MAP3K11: variants seen among roughly 807,000 people sequenced by gnomAD.
The protein encoded by MAP3K11 is mitogen-activated protein kinase kinase kinase 11, also known as SH3 domain-containing proline-rich kinase.
MAP3K11 carries 46 observed loss-of-function variants against 84.9 expected under a neutral mutation model. The observed-to-expected ratio is 0.54, with a 90% confidence interval of 0.43 to 0.69. MAP3K11 has a LOEUF of 0.69. Among genes scored for constraint, MAP3K11 ranks in the 30% least tolerant of loss-of-function variants. The pLI, the probability that MAP3K11 is intolerant of heterozygous loss-of-function variation, is 0.00. For synonymous variants in MAP3K11, 527 were observed against 514.7 expected (o/e 1.02, Z -0.32); for missense variants, 1,053 against 1,198.3 (o/e 0.88, Z 1.79).
At position 65,598,315 on chromosome 11, in the gene MAP3K11, C is replaced by A. The variant is rs370002899; in HGVS notation, c.2520G>T (p.Pro840=). 20 of 1,477,434 alleles carry A rather than the reference C, an allele frequency of 1.4e-5. No individual in the cohort carries two copies. The Admixed American group carries it at 4.0e-4, about 29-fold the overall frequency. 91.5% of individuals were successfully genotyped at this position (1,477,434 alleles called of 1,614,324 possible). Reference sequence around the variant, plus strand: ...CTCAAGGCCCCGCTTCCGGCACCCACGGGGCCTGGGCACCCATGTCTTTGG... The same window carrying A: ...CTCAAGGCCCCGCTTCCGGCACCCAAGGGGCCTGGGCACCCATGTCTTTGG... ...AQTKDMGAQA[P]WVPEAGP Residue 840 remains proline (P), a synonymous_variant, in exon 10 of 10, where the codon CCG becomes CCT. Transcript: ENST00000309100.
chr11:65,608,238 C>T (rs980851316), intron 2 of MAP3K11, 30 bp downstream of exon 2: 74 of 1,606,236 alleles, frequency 4.6e-5, no homozygotes, highest in Non-Finnish European at 6.0e-5. Flanking sequence ...AGCCCCGTAG[C>T]AGCCCGTCCA....
chr11:65,597,993 G>T lies in MAP3K11; in HGVS notation c.*298C>A, dbSNP rs1286275639. The T allele has an allele frequency of 1.2e-5, 4 of 327,438 alleles. No individual in the cohort carries two copies. The highest frequency in any genetic ancestry group is 2.2e-5 in the Non-Finnish European group (4 of 180,026). The allele number at this position is 327,438 out of a possible 1,614,324, so 20.3% of individuals were successfully genotyped here. A position where few individuals can be genotyped will look rare whatever the true frequency, so the allele number is the denominator to read the frequency against. ...CTTCCCTGCACCTCCCCTCCTCCCT[G>T]CATCACCCCAGCAGGCAATTCCCTG... On this transcript the variant is annotated 3_prime_UTR_variant, in exon 10 of 10. Coordinates refer to ENST00000309100, the MANE Select transcript of MAP3K11 (RefSeq NM_002419.4).
At chr11:65,604,884 A>T (rs1195896443) in intron 8 of MAP3K11, among the ~76,000 whole-genome samples, 1 of 152,036 alleles carries the variant, frequency 6.6e-6, no homozygotes, top group Admixed American at 6.5e-5. Context: ...GGGAGGCCAT[A>T]ACTCTCTGGC....
At chr11:65,607,608 C>A in intron 4 of MAP3K11, 33 bp downstream of exon 4, 4 of 1,578,050 alleles carry the variant, frequency 2.5e-6, no homozygotes, top group Non-Finnish European at 3.5e-6. Context: ...GGGAGACACT[C>A]GTTCCAACGC....
chr11:65,598,590 C>A lies in MAP3K11; in HGVS notation c.2245G>T (p.Ala749Ser), dbSNP rs148864387. The change falls in exon 10 of 10, where the codon GCT becomes TCT. Residue 749 changes from alanine (A) to serine (S), a missense_variant. This residue lies in a region of MAP3K11 where 583 missense variants were observed against 566.6 expected (regional missense o/e 1.03). Transcript: ENST00000309100. ...CGTGGGGTGCCTGGGGTGCCAGGAGCAGAGCGTGATGTCCCCGGTGGGGGT... is the reference window on the plus strand; with the variant it reads ...CGTGGGGTGCCTGGGGTGCCAGGAGAAGAGCGTGATGTCCCCGGTGGGGGT... ...VSPPPGTSRS[A>S]PGTPGTPRSP... 2.5e-5 allele frequency: 39 copies of A among 1,581,638 alleles called. No individual in the cohort carries two copies. The African/African-American group carries it at 5.0e-4, about 20-fold the overall frequency.
chr11:65,606,601 T>C lies in MAP3K11; in HGVS notation c.1603+90A>G, dbSNP rs557077431. On this transcript the variant is annotated intron_variant, in intron 6 of 9. Transcript: ENST00000309100. The stretch of plus-strand genomic sequence containing the variant: ...CCTGGGGGCGGGGAGGAAGAGGGGA[T>C]AGTGAGTGGGCTCCGCCTCCAAGAA... 3.3e-5 allele frequency: 31 copies of C among 940,642 alleles called. No homozygotes were observed. In the Middle Eastern group the frequency reaches 1.5e-3, roughly 47 times the overall value. 58.3% of individuals were successfully genotyped at this position (940,642 alleles called of 1,614,324 possible).
chr11:65,608,130 G>A, intron 2 of MAP3K11, 60 bp from the exon 3 acceptor site: 1 of 1,600,096 alleles, frequency 6.2e-7, no homozygotes, highest in Non-Finnish European at 8.6e-7. Context: ...CCCCCTTACT[G>A]CCACTTCACC....
intron 5 of MAP3K11, 98 bp downstream of exon 5, chr11:65,607,172 A>G: frequency 5.9e-6 from 8 of 1,366,768 alleles, no homozygotes; most frequent in Non-Finnish European, 7.5e-6. Context: ...CCCACCCACA[A>G]CACCCTAAAC....
intron 8 of MAP3K11, among the ~76,000 whole-genome samples, chr11:65,601,520 G>A (rs1854454928): frequency 6.6e-6 from 1 of 152,150 alleles, no homozygotes; most frequent in South Asian, 2.1e-4. Flanking sequence ...ACTTTGGGAG[G>A]CCCAGGTGGG....
Position 65,613,167 on chromosome 11 carries a change from G to T in MAP3K11, c.590C>A (p.Ala197Asp). 1.3e-6 allele frequency: 2 copies of T among 1,591,238 alleles called. No homozygotes were observed. The highest frequency in any genetic ancestry group is 1.7e-6 in the Non-Finnish European group (2 of 1,168,230). ...CAGAGCTCGGCTGAGGGGCCCACCG[G>T]CTGCATACTCCATCACCAGGCACAG... is the stretch of plus-strand genomic sequence containing the variant. ...PNLCLVMEYA[A>D]GGPLSRALAG... The change falls in exon 1 of 10, where the codon GCC (alanine) becomes GAC (aspartate). Residue 197 changes from alanine to aspartate, a missense_variant. Transcript: ENST00000309100.
intron 1 of MAP3K11, chr11:65,609,529 T>C (rs1004781340): frequency 2.6e-5 from 4 of 152,070 alleles, no homozygotes; most frequent in African/African-American, 7.3e-5. Flanking sequence ...TGCATATCTC[T>C]CACCAGGACA....
At chr11:65,607,015 G>A (rs906466668) in intron 5 of MAP3K11, 10 of 606,570 alleles carry the variant, frequency 1.6e-5, no homozygotes, top group Non-Finnish European at 2.2e-5. Context: ...GCGCCGGCCG[G>A]CCCCGCCCAC....
chr11:65,605,744 G>C lies in MAP3K11; in HGVS notation c.1831+17C>G. 6.3e-7 allele frequency: 1 copy of C among 1,584,132 alleles called. No homozygotes were observed. The highest frequency in any genetic ancestry group is 8.6e-7 in the Non-Finnish European group (1 of 1,162,496). ...AGGAGCTCAGCCAGATCCTGCCGGGGGAGGAAGGCCACTCACCATTGAGTG... is the reference window on the plus strand; with the variant it reads ...AGGAGCTCAGCCAGATCCTGCCGGGCGAGGAAGGCCACTCACCATTGAGTG... On this transcript the variant is annotated intron_variant, in intron 8 of 9. Coordinates refer to ENST00000309100, the MANE Select transcript of MAP3K11 (RefSeq NM_002419.4).
intron 8 of MAP3K11, among the ~76,000 whole-genome samples, chr11:65,600,240 A>G (rs945283942): frequency 1.3e-5 from 2 of 151,912 alleles, no homozygotes; most frequent in Non-Finnish European, 2.9e-5. Context: ...AGATGCACAC[A>G]GTCAACTCTA....
intron 1 of MAP3K11, chr11:65,610,958 G>A (rs1188950213): frequency 1.3e-5 from 2 of 152,448 alleles, no homozygotes; most frequent in Admixed American, 6.5e-5. Context: ...CTGTTCTGGT[G>A]TCTGATGTAG....
chr11:65,606,197 C>G, intron 6 of MAP3K11, 116 bp from the exon 7 acceptor site: 2 of 1,230,102 alleles, frequency 1.6e-6, no homozygotes, highest in South Asian at 3.6e-5. Flanking sequence ...GTACCATTCC[C>G]AGGGTGAGCT....
At position 65,606,036 on chromosome 11, in the gene MAP3K11, C is replaced by CG; in HGVS notation, c.1648dup (p.Arg550ProfsTer47). 3.8e-6 allele frequency: 6 copies of CG among 1,591,628 alleles called. No homozygotes were observed. Among genetic ancestry groups the CG allele is most frequent in the East Asian group, 2.3e-5 (1 of 43,806 alleles). On this transcript the variant is annotated frameshift_variant, in exon 7 of 10. Coordinates refer to ENST00000309100, the MANE Select transcript of MAP3K11 (RefSeq NM_002419.4). LOFTEE classifies it high-confidence loss of function. ...TCCATTGCTTGAGTCCTCCAGACGT[C>CG]GGGGGGACTGGCGGCCCCATGCCTG...
intron 8 of MAP3K11, among the ~76,000 whole-genome samples, chr11:65,604,266 G>A (rs1176413843): frequency 6.6e-6 from 1 of 152,258 alleles, no homozygotes; most frequent in Non-Finnish European, 1.5e-5. Flanking sequence ...CTGCTTCTGG[G>A]AGCTGAGGGC....
chr11:65,606,043 ACT>A lies in MAP3K11; in HGVS notation c.1640_1641del (p.Gln547LeufsTer49). On this transcript the variant is annotated frameshift_variant, in exon 7 of 10. Transcript: ENST00000309100. LOFTEE classifies it high-confidence loss of function. ...PAEPGQAWGR[Q>X]SPRRLEDSSN... Reference sequence around the variant, plus strand: ...CTTGAGTCCTCCAGACGTCGGGGGGACTGGCGGCCCCATGCCTGGCCTGGCTC... The same window carrying A: ...CTTGAGTCCTCCAGACGTCGGGGGGAGGCGGCCCCATGCCTGGCCTGGCTC... 6.3e-7 allele frequency: 1 copy of A among 1,591,202 alleles called. No homozygotes were observed. Among genetic ancestry groups the A allele is most frequent in the South Asian group, 1.1e-5 (1 of 89,222 alleles).
Sources: allele counts gnomAD v4.1 joint callset (sites outside exome capture counted in the v4.1 genomes callset), GRCh38; gene constraint gnomAD v4.1.1; regional missense constraint gnomAD v4.1.1; transcripts MANE v1.5; gene names NCBI Gene and HGNC (gene_info 2026-07-23, HGNC 2026-07-21).